CNTN5: variants seen among roughly 807,000 people sequenced by gnomAD.
CNTN5 encodes contactin 5.
Under a neutral mutation model 129.1 loss-of-function variants are expected in CNTN5, and 77 were observed. The observed-to-expected ratio is 0.60, with a 90% CI of 0.50 to 0.72. The LOEUF (loss-of-function observed/expected upper bound fraction) is 0.72. Among genes scored for constraint, CNTN5 ranks in the 30% least tolerant of loss-of-function variants. CNTN5 has a pLI of 0.00. For synonymous variants in CNTN5, 509 were observed against 465.6 expected, an observed-to-expected ratio of 1.09 and a Z score of -1.20; for missense variants, 1,478 against 1,328.8, an observed-to-expected ratio of 1.11 and a Z score of -1.75.
At chr11:99,878,879 TA>T (rs1183304262) in intron 6 of CNTN5, among the ~76,000 whole-genome samples, 4 of 152,082 alleles carry the variant, frequency 2.6e-5, no homozygotes, top group Admixed American at 2.6e-4. Context: ...TAATTTTTTT[TA>T]AAAAAAGATG....
chr11:100,158,855 A>G (rs1315363430), intron 13 of CNTN5, among the ~76,000 whole-genome samples: 4 of 151,908 alleles, frequency 2.6e-5, no homozygotes, highest in African/African-American at 9.7e-5. Context: ...TCTGTTGTAC[A>G]TGTGCATACA....
intron 3 of CNTN5, among the ~76,000 whole-genome samples, chr11:99,760,053 C>T (rs907072351): frequency 3.9e-5 from 6 of 152,074 alleles, no homozygotes; most frequent in Middle Eastern, 6.8e-3. Context: ...ATATTGCACA[C>T]GAACCAGAAT....
chr11:100,261,466 C>A (rs1408446898), intron 17 of CNTN5, among the ~76,000 whole-genome samples: 1 of 152,046 alleles, frequency 6.6e-6, no homozygotes, highest in Non-Finnish European at 1.5e-5. Context: ...TCATGTGGAA[C>A]CAAAAAAGAG....
chr11:99,840,077 G>A (rs1947434548), intron 4 of CNTN5, among the ~76,000 whole-genome samples: 1 of 152,004 alleles, frequency 6.6e-6, no homozygotes. Flanking sequence ...AATCCTGTGG[G>A]TGTCCATGCA....
intron 7 of CNTN5, among the ~76,000 whole-genome samples, chr11:99,918,189 T>C (rs1949843228): frequency 6.6e-6 from 1 of 152,182 alleles, no homozygotes; most frequent in African/African-American, 2.4e-5. Flanking sequence ...CATATTCTTT[T>C]ATACAGCTTC....
chr11:99,733,873 G>A (rs1288953954), intron 3 of CNTN5, among the ~76,000 whole-genome samples: 1 of 152,156 alleles, frequency 6.6e-6, no homozygotes, highest in Non-Finnish European at 1.5e-5. Context: ...ACTGACTTAT[G>A]AACTGGCAGG....
intron 1 of CNTN5, among the ~76,000 whole-genome samples, chr11:99,226,130 G>A (rs1860671899): frequency 6.6e-6 from 1 of 152,120 alleles, no homozygotes; most frequent in African/African-American, 2.4e-5. Flanking sequence ...TGTCTTAAGT[G>A]GTTTTAAAAT....
At chr11:100,006,492 A>G (rs1203009392) in intron 9 of CNTN5, among the ~76,000 whole-genome samples, 1 of 152,138 alleles carries the variant, frequency 6.6e-6, no homozygotes, top group East Asian at 1.9e-4. Context: ...TGTCCACAGC[A>G]TCTTTTCCAG....
chr11:100,256,776 C>G (rs1390497374), intron 17 of CNTN5, among the ~76,000 whole-genome samples: 1 of 152,078 alleles, frequency 6.6e-6, no homozygotes, highest in Non-Finnish European at 1.5e-5. Flanking sequence ...AGCCCAGATA[C>G]TACACTTTTC....
intron 1 of CNTN5, among the ~76,000 whole-genome samples, chr11:99,142,510 T>C (rs566994176): frequency 6.6e-6 from 1 of 151,946 alleles, no homozygotes; most frequent in East Asian, 1.9e-4. Flanking sequence ...AGTGACCCAG[T>C]TGGGCATCTG....
At chr11:99,745,265 G>GA (rs546420165) in intron 3 of CNTN5, among the ~76,000 whole-genome samples, 189 of 152,118 alleles carry the variant, frequency 1.2e-3, no homozygotes, top group East Asian at 2.7e-3. Flanking sequence ...AATGCTGGAA[G>GA]AAAAAAATAA....
chr11:100,091,514 C>T (rs938798891), intron 13 of CNTN5, among the ~76,000 whole-genome samples: 1 of 149,642 alleles, frequency 6.7e-6, no homozygotes, highest in Non-Finnish European at 1.5e-5. Flanking sequence ...CTGCAAACTC[C>T]GCCTCCTGGG....
At chr11:100,149,853 C>A (rs1946992664) in intron 13 of CNTN5, among the ~76,000 whole-genome samples, 1 of 140,838 alleles carries the variant, frequency 7.1e-6, no homozygotes, top group Non-Finnish European at 1.5e-5. Flanking sequence ...GAGCTTGTGC[C>A]ACTGCATTCC....
chr11:100,310,908 T>G (rs1242268149), intron 21 of CNTN5, among the ~76,000 whole-genome samples: 2 of 151,832 alleles, frequency 1.3e-5, no homozygotes, highest in African/African-American at 4.8e-5. Context: ...GGGAGCAGGA[T>G]GATGATGAAG....
chr11:99,248,386 C>A (rs1861926502), intron 1 of CNTN5, among the ~76,000 whole-genome samples: 2 of 152,136 alleles, frequency 1.3e-5, no homozygotes, highest in Non-Finnish European at 2.9e-5. Flanking sequence ...GACTAGATTG[C>A]AAAACTTTTC....
chr11:99,152,228 C>T (rs1328836332), intron 1 of CNTN5, among the ~76,000 whole-genome samples: 4 of 152,198 alleles, frequency 2.6e-5, no homozygotes, highest in African/African-American at 9.6e-5. Flanking sequence ...AATATTTGAA[C>T]AATATGATTC....
intron 1 of CNTN5, among the ~76,000 whole-genome samples, chr11:99,130,670 T>G (rs4448658): frequency 0.9 from 137,445 of 151,998 alleles, 62,334 homozygotes; most frequent in East Asian, 0.99. Flanking sequence ...TTTTATGAAC[T>G]CCACATAGCA....
intron 1 of CNTN5, among the ~76,000 whole-genome samples, chr11:99,117,026 C>A (rs1858075478): frequency 6.6e-6 from 1 of 151,696 alleles, no homozygotes; most frequent in African/African-American, 2.4e-5. Flanking sequence ...AGGAAGAGGA[C>A]CCAACAAAAG....
chr11:99,448,730 TTTTTATTTTA>T (rs57789569), intron 2 of CNTN5, among the ~76,000 whole-genome samples: 16,598 of 123,252 alleles, frequency 0.13, 1,384 homozygotes, highest in Non-Finnish European at 0.19. Flanking sequence ...TGTACAATTG[TTTTTATTTTA>T]TTTTATTTTA....
Sources: allele counts gnomAD v4.1 joint callset (sites outside exome capture counted in the v4.1 genomes callset), GRCh38; gene constraint gnomAD v4.1.1; transcripts MANE v1.5; gene names NCBI Gene and HGNC (gene_info 2026-07-23, HGNC 2026-07-21).